TACC3: variants seen among roughly 807,000 people sequenced by gnomAD.
TACC3 encodes the protein transforming acidic coiled-coil-containing protein 3.
In TACC3, 52 loss-of-function variants were observed where a neutral mutation model predicts 86.0. The ratio of observed to expected loss-of-function variants is 0.60; its 90% CI spans 0.48 to 0.76. The LOEUF (loss-of-function observed/expected upper bound fraction) is 0.76, where lower values mean the gene tolerates loss of function less well. TACC3 is among the 30% of genes least tolerant of loss of function. TACC3 has a pLI of 0.00. For synonymous variants in TACC3, 512 were observed against 430.0 expected (o/e 1.19, Z -2.36); for missense variants, 1,120 against 1,070.4 (o/e 1.05, Z -0.65).
At position 1,735,289 on chromosome 4, in the gene TACC3, G is replaced by A. The variant is rs202067228; in HGVS notation, c.1608G>A (p.Ala536=). The change falls in exon 7 of 16, where the codon GCG becomes GCA. Residue 536 remains alanine, a synonymous_variant. Transcript: ENST00000313288. The surrounding 1 kb of genome is among the most constrained non-coding windows in gnomAD (Gnocchi z 4.2). ...RDPAEVLGTG[A]EVDYLEQFGT... ...TCCTCTCAGTTCTAGGCACGGGCGC[G>A]GAGGTGGATTACCTGGAGCAGTTTG... The A allele has an allele frequency of 6.1e-5, 99 of 1,614,048 alleles. No homozygotes were observed. The highest frequency in any genetic ancestry group is 2.9e-4 in the East Asian group (13 of 44,882).
chr4:1,720,851 G>A (rs369001628), upstream of TACC3: 1 of 1,563,588 alleles, frequency 6.4e-7, no homozygotes, highest in East Asian at 2.4e-5. This position sits in a 1 kb window ranked among gnomAD's most constrained non-coding sequence, Gnocchi z 4.4. Flanking sequence ...GCAGCCGCCG[G>A]GAAGCTGTCG....
intron 3 of TACC3, among the ~76,000 whole-genome samples, chr4:1,724,866 G>T (rs541849762): frequency 6.6e-6 from 1 of 150,948 alleles, no homozygotes; most frequent in South Asian, 2.1e-4. Flanking sequence ...GGCTCAAGCA[G>T]TCCTCCACCT....
chr4:1,740,676 G>C, intron 12 of TACC3, 150 bp from the exon 13 acceptor site: 1 of 675,324 alleles, frequency 1.5e-6, no homozygotes, highest in South Asian at 1.8e-5. Context: ...AAGATCCTGG[G>C]TGGAGGGACC....
In TACC3 at chr4:1,741,054, C is replaced by T. The variant is rs1262666609; in HGVS notation, c.2223+68C>T. The T allele has an allele frequency of 2.1e-6, 3 of 1,463,054 alleles. No individual in the cohort carries two copies. The African/African-American group carries it at 4.3e-5, about 21-fold the overall frequency. 90.6% of individuals were successfully genotyped at this position (1,463,054 alleles called of 1,614,324 possible). A position where few individuals can be genotyped will look rare whatever the true frequency, so the allele number is the denominator to read the frequency against. ...GGACTCATGGTCCAAGCCAGCGGGG[C>T]TACAAGCTGCTGTCTTTGCACCTTG... On this transcript the variant is annotated intron_variant, in intron 13 of 15. Coordinates refer to ENST00000313288, the MANE Select transcript of TACC3 (RefSeq NM_006342.3).
At chr4:1,724,482 C>T (rs1363439235) in intron 3 of TACC3, among the ~76,000 whole-genome samples, 1 of 148,364 alleles carries the variant, frequency 6.7e-6, no homozygotes, top group African/African-American at 2.5e-5. Context: ...ACTCCACCTC[C>T]CAGGTTCATG....
rs1718562497 is a variant in TACC3 at position 1,740,859 on chromosome 4, C to T, written c.2096C>T (p.Ala699Val). Residue 699 changes from alanine (A) to valine (V), a missense_variant, in exon 13 of 16, where the codon GCT becomes GTT. Physicochemically the swap from Ala to Val is moderately conservative, Grantham distance 64 (BLOSUM62 0). Transcript: ENST00000313288. ...EVQKQKELSK[A>V]EIQKVLKEKD... is the part of the protein sequence containing the mutation. The stretch of plus-strand genomic sequence containing the variant: ...CAGAAGCAGAAGGAACTTTCCAAAG[C>T]TGAAATCCAGAAAGTTCTAAAAGAA... The T allele has an allele frequency of 1.9e-6, 3 of 1,611,952 alleles. No individual in the cohort carries two copies. The highest frequency in any genetic ancestry group is 2.5e-6 in the Non-Finnish European group (3 of 1,179,536).
At chr4:1,738,648 G>A (rs776997114) in intron 10 of TACC3, among the ~76,000 whole-genome samples, 6 of 152,262 alleles carry the variant, frequency 3.9e-5, no homozygotes, top group South Asian at 2.1e-4. Context: ...CGCAGATGGA[G>A]CAATGGCAAG....
chr4:1,730,244 G>C (rs948259749), intron 4 of TACC3: 1 of 157,074 alleles, frequency 6.4e-6, no homozygotes, highest in African/African-American at 2.4e-5. Flanking sequence ...GTTTCACCGT[G>C]TTAGCCAGGA....
At chr4:1,740,494 C>G (rs1463622764) in intron 12 of TACC3, 2 of 323,940 alleles carry the variant, frequency 6.2e-6, no homozygotes, top group Admixed American at 4.6e-5. Flanking sequence ...CCTCCAGGAC[C>G]ACCACGAAGC....
chr4:1,736,116 T>A (rs553277934), intron 8 of TACC3, among the ~76,000 whole-genome samples: 1 of 152,260 alleles, frequency 6.6e-6, no homozygotes, highest in Non-Finnish European at 1.5e-5. Context: ...CTTTTAAGAG[T>A]ACTTCCTCTA....
chr4:1,739,808 GTCCCCA>G, intron 11 of TACC3, 30 bp downstream of exon 11: 1 of 695,150 alleles, frequency 1.4e-6, no homozygotes, highest in Non-Finnish European at 2.0e-6. Flanking sequence ...TGTCCTCCCC[GTCCCCA>G]TCCCCCTCGC....
chr4:1,721,063 C>T (rs1483983711), upstream of TACC3: 2 of 292,084 alleles, frequency 6.8e-6, no homozygotes, highest in East Asian at 1.2e-4. Context: ...AGTCCCGCCG[C>T]CCGGCCGCCC....
In TACC3 at chr4:1,737,652, G is replaced by T; in HGVS notation, c.1891G>T (p.Gly631Ter). 6.5e-7 allele frequency: 1 copy of T among 1,547,576 alleles called. No homozygotes were observed. The highest frequency in any genetic ancestry group is 2.4e-5 in the East Asian group (1 of 40,878). ...PAPGGPPLST[G>*]PIVDLLQYSQ... is the part of the protein sequence containing the mutation. Reference sequence around the variant, plus strand: ...GCCTGGGGGCCCACCCCTGTCCACCGGACCTATAGTGGACCTGCTCCAGTA... The same window carrying T: ...GCCTGGGGGCCCACCCCTGTCCACCTGACCTATAGTGGACCTGCTCCAGTA... Residue 631 changes from glycine to a stop codon, truncating the protein, a stop_gained, in exon 10 of 16, where the codon GGA becomes TGA. Coordinates refer to ENST00000313288, the MANE Select transcript of TACC3 (RefSeq NM_006342.3). LOFTEE classifies it high-confidence loss of function.
Position 1,728,419 on chromosome 4 carries a change from AT to A in TACC3, c.1020del (p.Phe340LeufsTer28). 1 of 1,613,520 alleles carries A rather than the reference AT, an allele frequency of 6.2e-7. No homozygotes were observed. Among genetic ancestry groups the A allele is most frequent in the Non-Finnish European group, 8.5e-7 (1 of 1,180,016 alleles). ...SSRSGPVKLE[F>X]DVSDGATSKR... is the part of the protein sequence containing the mutation. ...CGAGGAGCGGACCTGTAAAACTAGAATTTGATGTATCTGATGGCGCCACCAG... is the reference window on the plus strand; with the variant it reads ...CGAGGAGCGGACCTGTAAAACTAGAATTGATGTATCTGATGGCGCCACCAG... On this transcript the variant is annotated frameshift_variant, in exon 4 of 16. Coordinates refer to ENST00000313288, the MANE Select transcript of TACC3 (RefSeq NM_006342.3). LOFTEE classifies it high-confidence loss of function.
chr4:1,739,839 T>TC (rs1466407822), intron 11 of TACC3, 61 bp downstream of exon 11: 1 of 1,244,080 alleles, frequency 8.0e-7, no homozygotes, highest in Non-Finnish European at 1.1e-6. Flanking sequence ...CTTGTCCCCA[T>TC]CCCCCTCGCC....
At chr4:1,743,548 G>A (rs796125534) in intron 13 of TACC3, among the ~76,000 whole-genome samples, 14 of 33,242 alleles carry the variant, frequency 4.2e-4, no homozygotes, top group African/African-American at 7.5e-4. Context: ...GTGAGTCTCC[G>A]TCTAAAAAAA....
rs142988385 is a variant in TACC3 at position 1,728,586 on chromosome 4, C to G, written c.1184C>G (p.Pro395Arg). The change falls in exon 4 of 16, where the codon CCC (proline) becomes CGC (arginine). Residue 395 changes from proline (P) to arginine (R), a missense_variant. Pro to Arg is a moderately radical substitution (Grantham distance 103). Transcript: ENST00000313288. ...AGGAGCGGAGCAGGAGAGGACCCCC[C>G]CATGCCAGCTTCTCGGGGCTCTTAC... ...DGRSGAGEDP[P>R]MPASRGSYHL... The G allele has an allele frequency of 5.7e-4, 927 of 1,613,980 alleles. 16 individuals carry two copies. The East Asian group carries it at 0.02, about 35-fold the overall frequency.
chr4:1,727,628 C>T, intron 3 of TACC3, 80 bp from the exon 4 acceptor site: 4 of 1,519,736 alleles, frequency 2.6e-6, no homozygotes, highest in Non-Finnish European at 3.5e-6. Context: ...GAATGTTAAA[C>T]CTATGTTGAG....
chr4:1,730,321 GCCACCGCA>G, intron 4 of TACC3: 1 of 208,284 alleles, frequency 4.8e-6, no homozygotes, highest in Non-Finnish European at 1.0e-5. Context: ...ACATGCGTGA[GCCACCGCA>G]CCCGGCGTTT....
Sources: gnomAD v4.1 joint callset for allele counts (sites outside exome capture counted in the v4.1 genomes callset) on GRCh38, gnomAD v4.1.1 for gene constraint, Gnocchi (gnomAD v3.1) non-coding constraint, MANE v1.5 for transcripts, NCBI Gene and HGNC (gene_info 2026-07-23, HGNC 2026-07-21) for gene names.